CUEDC1: variants seen among roughly 807,000 people sequenced by gnomAD.
The protein encoded by CUEDC1 is CUE domain-containing protein 1.
CUEDC1 carries 30 observed loss-of-function variants against 43.7 expected under a neutral mutation model. The ratio of observed to expected loss-of-function variants is 0.69; its 90% CI spans 0.51 to 0.93. The LOEUF (loss-of-function observed/expected upper bound fraction) is 0.93. Ranked by LOEUF, CUEDC1 falls within the 40% of genes least tolerant of loss-of-function variation. The pLI, the probability that CUEDC1 is intolerant of heterozygous loss-of-function variation, is 0.00. For missense variants in CUEDC1, 486 were observed against 549.0 expected, an observed-to-expected ratio of 0.89 and a Z score of 1.15; for synonymous variants, 223 against 223.6, an observed-to-expected ratio of 1.00 and a Z score of 0.02.
intron 9 of CUEDC1, 130 bp downstream of exon 9, chr17:57,867,227 A>T (rs2073971912): frequency 1.2e-6 from 1 of 844,080 alleles, no homozygotes; most frequent in Non-Finnish European, 2.0e-6. Context: ...TCTTTGGGTC[A>T]CCTGCCCACC....
At chr17:57,928,301 GC>G (rs1314566251) in intron 1 of CUEDC1, among the ~76,000 whole-genome samples, 2 of 152,148 alleles carry the variant, frequency 1.3e-5, no homozygotes, top group African/African-American at 4.8e-5. Context: ...TATAATCCCA[GC>G]ACTTTGGGAG....
chr17:57,951,096 C>A (rs2075002599), intron 1 of CUEDC1, among the ~76,000 whole-genome samples: 1 of 148,310 alleles, frequency 6.7e-6, no homozygotes, highest in South Asian at 2.1e-4. Context: ...CATTCAAGAG[C>A]CTCACCCCAC....
chr17:57,926,431 A>C (rs1345714505), intron 1 of CUEDC1, among the ~76,000 whole-genome samples: 1 of 152,018 alleles, frequency 6.6e-6, no homozygotes, highest in Non-Finnish European at 1.5e-5. Context: ...TGTGATTCCC[A>C]TCCTAGATAC....
At chr17:57,892,030 G>A (rs990800539) in intron 1 of CUEDC1, among the ~76,000 whole-genome samples, 3 of 152,292 alleles carry the variant, frequency 2.0e-5, no homozygotes, top group East Asian at 1.9e-4. Flanking sequence ...TTTATTAGGC[G>A]AATGAGTAAA....
chr17:57,869,053 A>AG, intron 7 of CUEDC1, 69 bp downstream of exon 7: 1 of 1,524,512 alleles, frequency 6.6e-7, no homozygotes, highest in African/African-American at 1.4e-5. Context: ...GGGCTCCCTC[A>AG]CTCCTGGGAG....
chr17:57,905,714 C>A (rs1292457453), intron 1 of CUEDC1, among the ~76,000 whole-genome samples: 5 of 152,176 alleles, frequency 3.3e-5, no homozygotes, highest in Non-Finnish European at 5.9e-5. Flanking sequence ...ATGAAAAAAA[C>A]CAAGTGGCCA....
chr17:57,936,846 G>A (rs1273306991), intron 1 of CUEDC1, among the ~76,000 whole-genome samples: 3 of 149,462 alleles, frequency 2.0e-5, no homozygotes, highest in Non-Finnish European at 4.4e-5. Flanking sequence ...TTTTGAAACG[G>A]TGTCTCGCTG....
chr17:57,862,383 C>G lies in CUEDC1; in HGVS notation c.*906G>C, dbSNP rs963650788. On this transcript the variant is annotated 3_prime_UTR_variant, in exon 11 of 11. Coordinates refer to ENST00000577830, the MANE Select transcript of CUEDC1 (RefSeq NM_001271875.2). The stretch of plus-strand genomic sequence containing the variant: ...TCAAAGGGGTCACTCCAGGACCCAC[C>G]GCTGCCCACCCTCGGACAGCAGGGC... The G allele has an allele frequency of 6.6e-6, 1 of 152,502 alleles. No homozygotes were observed. Among genetic ancestry groups the G allele is most frequent in the African/African-American group, 2.4e-5 (1 of 41,456 alleles). 9.4% of individuals were successfully genotyped at this position (152,502 alleles called of 1,614,324 possible). A position where few individuals can be genotyped will look rare whatever the true frequency, so the allele number is the denominator to read the frequency against.
In CUEDC1 at chr17:57,932,281, C is replaced by CAAA. The variant is rs56137797; in HGVS notation, c.-316+22941_-316+22943dup. ...TGGGCAACAAAGTGACACTGTGTCT[C>CAAA]AAAAAAAAAAAAAAAAAAAAAAGGC... On this transcript the variant is annotated intron_variant, in intron 1 of 10. Transcript: ENST00000577830. Among the ~76,000 whole-genome samples the CAAA allele has an allele frequency of 1.1e-4, 14 of 121,944 alleles. 1 individual carries two copies. Among genetic ancestry groups the CAAA allele is most frequent in the African/African-American group, 3.1e-4 (7 of 22,504 alleles). The allele number at this position is 121,944 out of a possible 152,430, so 80.0% of individuals were successfully genotyped here.
At chr17:57,898,081 A>C (rs1348407330) in intron 1 of CUEDC1, among the ~76,000 whole-genome samples, 1 of 152,208 alleles carries the variant, frequency 6.6e-6, no homozygotes, top group Non-Finnish European at 1.5e-5. Context: ...CCAGGGCTTT[A>C]AAACCTTTTC....
intron 3 of CUEDC1, among the ~76,000 whole-genome samples, chr17:57,879,147 A>AT (rs1484795455): frequency 6.6e-6 from 1 of 152,172 alleles, no homozygotes. Flanking sequence ...CATTCCATCA[A>AT]TTACTGATGA....
chr17:57,934,991 A>G (rs2143175859), intron 1 of CUEDC1, among the ~76,000 whole-genome samples: 1 of 152,264 alleles, frequency 6.6e-6, no homozygotes, highest in South Asian at 2.1e-4. Context: ...TACAGGCATG[A>G]GCCACCACAC....
chr17:57,918,379 C>G (rs2074664789), intron 1 of CUEDC1, among the ~76,000 whole-genome samples: 1 of 152,220 alleles, frequency 6.6e-6, no homozygotes, highest in Non-Finnish European at 1.5e-5. Flanking sequence ...AAAGAAAGGC[C>G]TACCCCCAGT....
intron 1 of CUEDC1, among the ~76,000 whole-genome samples, chr17:57,948,993 C>T (rs2074981299): frequency 6.6e-6 from 1 of 152,204 alleles, no homozygotes; most frequent in African/African-American, 2.4e-5. Flanking sequence ...CTGCCCAGTT[C>T]CTGCCTCACC....
chr17:57,935,402 C>CAA (rs147468295), intron 1 of CUEDC1, among the ~76,000 whole-genome samples: 27,987 of 146,898 alleles, frequency 0.19, 2,807 homozygotes, highest in African/African-American at 0.26. Flanking sequence ...CACACACACA[C>CAA]ACAAACACAC....
At chr17:57,928,809 TG>T (rs368281940) in intron 1 of CUEDC1, among the ~76,000 whole-genome samples, 502 of 85,300 alleles carry the variant, frequency 5.9e-3, no homozygotes, top group African/African-American at 0.022. Flanking sequence ...AAACTCGGGG[TG>T]GGGGGCGGGA....
intron 3 of CUEDC1, among the ~76,000 whole-genome samples, chr17:57,876,255 C>T (rs1301620291): frequency 6.6e-6 from 1 of 152,156 alleles, no homozygotes; most frequent in Non-Finnish European, 1.5e-5. Flanking sequence ...ATCTGCTTGC[C>T]TTTCCAGCCT....
intron 1 of CUEDC1, among the ~76,000 whole-genome samples, chr17:57,919,505 C>T (rs2074679039): frequency 6.6e-6 from 1 of 152,148 alleles, no homozygotes; most frequent in Non-Finnish European, 1.5e-5. Flanking sequence ...TGAGGGGATA[C>T]ACAGTTGTTC....
At chr17:57,883,589 G>A (rs2074245460) in intron 2 of CUEDC1, among the ~76,000 whole-genome samples, 1 of 152,096 alleles carries the variant, frequency 6.6e-6, no homozygotes, top group South Asian at 2.1e-4. Context: ...CGGTCATGAT[G>A]GCACATGCAT....
Sources: gnomAD v4.1 joint callset for allele counts (sites outside exome capture counted in the v4.1 genomes callset) on GRCh38, gnomAD v4.1.1 for gene constraint, MANE v1.5 for transcripts, NCBI Gene and HGNC (gene_info 2026-07-23, HGNC 2026-07-21) for gene names.